CYP2C8: variants seen among roughly 807,000 people sequenced by gnomAD.
CYP2C8 encodes cytochrome P450 2C8.
A neutral mutation model predicts 41.3 loss-of-function variants in CYP2C8; 51 were observed. The ratio of observed to expected loss-of-function variants is 1.24; its 90% CI spans 0.99 to 1.56. The LOEUF (loss-of-function observed/expected upper bound fraction) is 1.56, where lower values mean the gene tolerates loss of function less well. Ranked by LOEUF, CYP2C8 falls within the 40% of genes most tolerant of loss-of-function variation. CYP2C8 has a pLI of 0.00. For missense variants in CYP2C8, 651 were observed against 579.9 expected (o/e 1.12, Z -1.26); for synonymous variants, 218 against 205.8 (o/e 1.06, Z -0.51).
At chr10:95,059,267 A>G (rs1212288795) in intron 4 of CYP2C8, among the ~76,000 whole-genome samples, 3 of 152,190 alleles carry the variant, frequency 2.0e-5, no homozygotes, top group African/African-American at 7.2e-5. Context: ...CCAACAGTGT[A>G]AAAGTGCTCC....
At position 95,045,957 on chromosome 10, in the gene CYP2C8, A is replaced by G; in HGVS notation, c.820-6T>C. 6.2e-7 allele frequency: 1 copy of G among 1,613,796 alleles called. No individual in the cohort carries two copies. Among genetic ancestry groups the G allele is most frequent in the South Asian group, 1.1e-5 (1 of 91,078 alleles). The stretch of plus-strand genomic sequence containing the variant: ...GACTTTTGGTTGTCCTTTTCCTAGA[A>G]GTGATTTCATGCAATTATCTGACAA... On this transcript the variant is annotated splice_polypyrimidine_tract_variant and splice_region_variant and intron_variant, in intron 5 of 8. Coordinates refer to ENST00000371270, the MANE Select transcript of CYP2C8 (RefSeq NM_000770.3).
intron 4 of CYP2C8, 129 bp from the exon 5 acceptor site, chr10:95,058,640 A>T (rs2033359730): frequency 1.2e-6 from 1 of 811,994 alleles, no homozygotes; most frequent in Non-Finnish European, 1.9e-6. Context: ...AAATTTTTAT[A>T]CATATATACA....
chr10:95,043,802 G>C (rs2033055521), intron 6 of CYP2C8, among the ~76,000 whole-genome samples: 1 of 151,386 alleles, frequency 6.6e-6, no homozygotes, highest in African/African-American at 2.4e-5. Flanking sequence ...AATATATTTA[G>C]ACCACAATTT....
intron 4 of CYP2C8, among the ~76,000 whole-genome samples, chr10:95,062,337 A>C (rs553417900): frequency 6.6e-6 from 1 of 152,188 alleles, no homozygotes; most frequent in Non-Finnish European, 1.5e-5. Flanking sequence ...TATTGGGTGC[A>C]TATATATTTA....
chr10:95,068,776 A>G (rs2033621656), intron 1 of CYP2C8: 2 of 510,034 alleles, frequency 3.9e-6, no homozygotes, highest in Non-Finnish European at 6.9e-6. Context: ...GAAAGACAAA[A>G]GAGGCCAGGT....
At chr10:95,067,777 ATT>A in intron 1 of CYP2C8, 86 bp from the exon 2 acceptor site, 1 of 1,350,478 alleles carries the variant, frequency 7.4e-7, no homozygotes, top group Non-Finnish European at 1.0e-6. Context: ...TTTTCATTGT[ATT>A]TTTTAATGTT....
intron 7 of CYP2C8, among the ~76,000 whole-genome samples, chr10:95,042,425 AAC>A (rs1272776379): frequency 1.1e-3 from 165 of 152,296 alleles, no homozygotes; most frequent in Middle Eastern, 0.01. Flanking sequence ...AAAAAATTAT[AAC>A]ACAACAAAAT....
intron 4 of CYP2C8, among the ~76,000 whole-genome samples, chr10:95,060,998 T>C (rs1363477755): frequency 6.6e-6 from 1 of 152,226 alleles, no homozygotes; most frequent in Non-Finnish European, 1.5e-5. Context: ...GATGCCCACT[T>C]GATCGTGGTG....
At chr10:95,038,825 C>G (rs2032938093) in intron 8 of CYP2C8, 72 bp downstream of exon 8, 3 of 1,424,418 alleles carry the variant, frequency 2.1e-6, no homozygotes. Flanking sequence ...GAGGAGGTGC[C>G]ATGTAAATTC....
In CYP2C8 at chr10:95,067,537, T is replaced by C; in HGVS notation, c.323A>G (p.Lys108Arg). 6.2e-7 allele frequency: 1 copy of C among 1,614,138 alleles called. No individual in the cohort carries two copies. ...GNSPISQRITKGLGIISSNGK... is the reference protein window; with the variant it reads ...GNSPISQRITRGLGIISSNGK... ...GAAATATGTGCACCTACCAAGTCCT[T>C]TAGTAATTCTTTGAGATATTGGGGA... The change falls in exon 2 of 9, where the codon AAA becomes AGA. Residue 108 changes from lysine (K) to arginine (R), a missense_variant. Coordinates refer to ENST00000371270, the MANE Select transcript of CYP2C8 (RefSeq NM_000770.3).
chr10:95,045,474 G>T (rs1564735152), intron 6 of CYP2C8, among the ~76,000 whole-genome samples: 1 of 152,136 alleles, frequency 6.6e-6, no homozygotes, highest in Non-Finnish European at 1.5e-5. Context: ...TGAACCTACT[G>T]TTCAAAGTGG....
At chr10:95,038,556 G>C (rs2032931311) in intron 8 of CYP2C8, among the ~76,000 whole-genome samples, 1 of 152,176 alleles carries the variant, frequency 6.6e-6, no homozygotes, top group Non-Finnish European at 1.5e-5. Flanking sequence ...TGTGGACTTA[G>C]ATACATTTGT....
chr10:95,064,780 A>T lies in CYP2C8; in HGVS notation c.642+20T>A. The T allele has an allele frequency of 1.9e-6, 3 of 1,612,302 alleles. No homozygotes were observed. The highest frequency in any genetic ancestry group is 2.5e-6 in the Non-Finnish European group (3 of 1,178,496). On this transcript the variant is annotated intron_variant, in intron 4 of 8. Transcript: ENST00000371270. The stretch of plus-strand genomic sequence containing the variant: ...ACCTTGAATAAATGGTTTCCAAGGA[A>T]AATAAAATCTTGGCCTTACCTGGAT...
At chr10:95,046,414 G>A (rs1440203761) in intron 5 of CYP2C8, among the ~76,000 whole-genome samples, 1 of 146,252 alleles carries the variant, frequency 6.8e-6, no homozygotes, top group Non-Finnish European at 1.5e-5. Context: ...GCAAGAAAGG[G>A]TAAGAGTGAG....
At chr10:95,047,082 C>T (rs2033123394) in intron 5 of CYP2C8, among the ~76,000 whole-genome samples, 1 of 152,110 alleles carries the variant, frequency 6.6e-6, no homozygotes, top group Admixed American at 6.5e-5. Context: ...CAACTTGCTT[C>T]TCCTCTTGCC....
At chr10:95,066,851 T>A (rs2134441405) in intron 3 of CYP2C8, among the ~76,000 whole-genome samples, 1 of 152,326 alleles carries the variant, frequency 6.6e-6, no homozygotes, top group Non-Finnish European at 1.5e-5. Flanking sequence ...TGGTGAAATG[T>A]TCTGGTGGAG....
chr10:95,039,674 C>A (rs570714231), intron 7 of CYP2C8, among the ~76,000 whole-genome samples: 17 of 152,292 alleles, frequency 1.1e-4, no homozygotes, highest in African/African-American at 3.8e-4. Flanking sequence ...GTGTGTGATT[C>A]TGGAAGCAGG....
chr10:95,046,047 A>G (rs1208402405), intron 5 of CYP2C8, 96 bp from the exon 6 acceptor site: 4 of 1,406,320 alleles, frequency 2.8e-6, no homozygotes, highest in Non-Finnish European at 3.9e-6. Flanking sequence ...AAAGTTAGCC[A>G]AAAGAGATAC....
chr10:95,047,588 T>G (rs1004207668), intron 5 of CYP2C8, among the ~76,000 whole-genome samples: 2 of 152,110 alleles, frequency 1.3e-5, no homozygotes, highest in African/African-American at 4.8e-5. Flanking sequence ...TTCTTAGGAA[T>G]AAGTTCAGGA....
Sources: gnomAD v4.1 joint callset for allele counts (sites outside exome capture counted in the v4.1 genomes callset) on GRCh38, gnomAD v4.1.1 for gene constraint, MANE v1.5 for transcripts, NCBI Gene and HGNC (gene_info 2026-07-23, HGNC 2026-07-21) for gene names.